DAPK1: variants seen among roughly 807,000 people sequenced by gnomAD.
DAPK1 encodes death associated protein kinase 1, also known as death-associated protein kinase 1.
Under a neutral mutation model 144.9 loss-of-function variants are expected in DAPK1, and 56 were observed. The observed-to-expected ratio is 0.39, with a 90% CI of 0.31 to 0.48. DAPK1 has a LOEUF of 0.48. DAPK1 is among the 20% of genes least tolerant of loss of function. The pLI is 0.95. For synonymous variants in DAPK1, 690 were observed against 749.0 expected (o/e 0.92, Z 1.29); for missense variants, 1,454 against 1,875.4 (o/e 0.78, Z 4.15).
intron 2 of DAPK1, among the ~76,000 whole-genome samples, chr9:87,593,099 C>T (rs759635554): frequency 1.3e-5 from 2 of 152,216 alleles, no homozygotes; most frequent in South Asian, 4.1e-4. Context: ...ACCCCAGACA[C>T]GGAAGACCCC....
chr9:87,542,690 G>C (rs1378326950), intron 2 of DAPK1, among the ~76,000 whole-genome samples: 1 of 152,172 alleles, frequency 6.6e-6, no homozygotes, highest in Non-Finnish European at 1.5e-5. Flanking sequence ...AAGAAGCTGT[G>C]GCTGAGTGGC....
Position 87,605,088 on chromosome 9 carries a change from G to A in DAPK1, c.197G>A (p.Ser66Asn), listed in dbSNP as rs561834929. The change falls in exon 3 of 26, where the codon AGC becomes AAC. Residue 66 changes from serine (S) to asparagine (N), a missense_variant. Physicochemically the swap from Ser to Asn is conservative, Grantham distance 46 (BLOSUM62 1). This residue lies in a region of DAPK1 where 429 missense variants were observed against 637.5 expected (regional missense o/e 0.67). Transcript: ENST00000408954. ...VSREDIEREV[S>N]ILKEIQHPNV... ...CGCGAGGACATCGAGCGGGAGGTCA[G>A]CATCCTGAAGGAGATCCAGCACCCC... 6.2e-7 allele frequency: 1 copy of A among 1,614,200 alleles called. No homozygotes were observed. Among genetic ancestry groups the A allele is most frequent in the East Asian group, 2.2e-5 (1 of 44,874 alleles).
intron 18 of DAPK1, among the ~76,000 whole-genome samples, chr9:87,658,330 C>A (rs376177469): frequency 2.0e-5 from 3 of 152,360 alleles, no homozygotes; most frequent in African/African-American, 7.2e-5. Context: ...GTCCTCTTCT[C>A]ATCTCACCAC....
chr9:87,654,609 G>A (rs1478016162), intron 17 of DAPK1, among the ~76,000 whole-genome samples: 1 of 152,214 alleles, frequency 6.6e-6, no homozygotes, highest in Non-Finnish European at 1.5e-5. Flanking sequence ...AGTTGTGTAA[G>A]TGGCTTAAGG....
At chr9:87,650,391 C>T (rs527670041) in intron 16 of DAPK1, 7 of 387,718 alleles carry the variant, frequency 1.8e-5, no homozygotes, top group Non-Finnish European at 3.3e-5. Flanking sequence ...AGAGCAGGTA[C>T]AGTGATGTTC....
At chr9:87,583,639 C>T (rs907104646) in intron 2 of DAPK1, among the ~76,000 whole-genome samples, 3 of 152,176 alleles carry the variant, frequency 2.0e-5, no homozygotes, top group Admixed American at 6.5e-5. Context: ...TCATAACCTG[C>T]ACCCCACCGT....
chr9:87,618,741 G>A (rs551165519), intron 3 of DAPK1, among the ~76,000 whole-genome samples: 28 of 152,284 alleles, frequency 1.8e-4, no homozygotes, highest in Admixed American at 9.8e-4. Flanking sequence ...CGTGGCTGCC[G>A]AGGGCAGGTG....
intron 3 of DAPK1, among the ~76,000 whole-genome samples, chr9:87,620,828 G>A (rs953886720): frequency 1.4e-4 from 22 of 152,098 alleles, no homozygotes; most frequent in Admixed American, 5.9e-4. Context: ...TACTCTGGCC[G>A]CCTTTTGTTC....
intron 21 of DAPK1, among the ~76,000 whole-genome samples, chr9:87,693,281 T>G (rs1208267597): frequency 6.6e-6 from 1 of 151,984 alleles, no homozygotes; most frequent in Non-Finnish European, 1.5e-5. Context: ...TTTTTATTTT[T>G]TTAATGTTGT....
chr9:87,612,933 G>A (rs979186327), intron 3 of DAPK1, among the ~76,000 whole-genome samples: 2 of 152,160 alleles, frequency 1.3e-5, no homozygotes, highest in African/African-American at 4.8e-5. Context: ...AAGTAAAAGT[G>A]CTAAGATGGC....
At chr9:87,662,724 G>C (rs933399281) in intron 18 of DAPK1, among the ~76,000 whole-genome samples, 1 of 151,278 alleles carries the variant, frequency 6.6e-6, no homozygotes, top group East Asian at 1.9e-4. Flanking sequence ...GAATTTTTTG[G>C]TGACATCCTC....
intron 19 of DAPK1, among the ~76,000 whole-genome samples, chr9:87,669,191 C>T (rs1831166890): frequency 6.6e-6 from 1 of 152,162 alleles, no homozygotes; most frequent in Non-Finnish European, 1.5e-5. Flanking sequence ...AAGATGTTCA[C>T]TGCAGTATTA....
chr9:87,640,915 A>G, intron 9 of DAPK1, 68 bp downstream of exon 9: 2 of 1,457,744 alleles, frequency 1.4e-6, no homozygotes, highest in Middle Eastern at 1.7e-4. Flanking sequence ...CCTGGTATTC[A>G]TGTATCATAG....
Position 87,538,970 on chromosome 9 carries a change from A to G in DAPK1, c.62+39831A>G, listed in dbSNP as rs182668791. Among the ~76,000 whole-genome samples the G allele has an allele frequency of 1.5e-3, 226 of 150,264 alleles. 1 individual carries two copies. Among genetic ancestry groups the G allele is most frequent in the Non-Finnish European group, 2.6e-3 (173 of 67,536 alleles). Reference sequence around the variant, plus strand: ...ACTGGATTTTATATATTTAAAATATATCTTAAAATATTTTATTTATATTTA... The same window carrying G: ...ACTGGATTTTATATATTTAAAATATGTCTTAAAATATTTTATTTATATTTA... On this transcript the variant is annotated intron_variant, in intron 2 of 25. Transcript: ENST00000408954.
At chr9:87,517,453 C>G (rs1825106758) in intron 2 of DAPK1, among the ~76,000 whole-genome samples, 1 of 152,148 alleles carries the variant, frequency 6.6e-6, no homozygotes, top group African/African-American at 2.4e-5. Flanking sequence ...CCACCTCTCT[C>G]TCTGTGTGCC....
chr9:87,611,290 G>A (rs111286427), intron 3 of DAPK1, among the ~76,000 whole-genome samples: 2,725 of 152,286 alleles, frequency 0.018, 70 homozygotes, highest in African/African-American at 0.059. Flanking sequence ...TGGGTTTGGG[G>A]TGGGACCTAG....
chr9:87,636,167 G>A (rs1386919607), intron 3 of DAPK1, among the ~76,000 whole-genome samples: 3 of 152,232 alleles, frequency 2.0e-5, no homozygotes, highest in Non-Finnish European at 4.4e-5. Context: ...GGTGGGGAGT[G>A]CAGGGAAGGG....
At chr9:87,590,369 C>CAAAAAAA (rs200588801) in intron 2 of DAPK1, among the ~76,000 whole-genome samples, 1 of 85,736 alleles carries the variant, frequency 1.2e-5, no homozygotes, top group African/African-American at 4.0e-5. Context: ...TCATTGGCCT[C>CAAAAAAA]AAAAAAAAAA....
At chr9:87,633,053 T>C (rs1829767179) in intron 3 of DAPK1, 2 of 976,774 alleles carry the variant, frequency 2.0e-6, no homozygotes, top group African/African-American at 1.8e-5. Context: ...GATGAGTATA[T>C]ATGTAAGATG....
Sources: allele counts gnomAD v4.1 joint callset (sites outside exome capture counted in the v4.1 genomes callset), GRCh38; gene constraint gnomAD v4.1.1; regional missense constraint gnomAD v4.1.1; transcripts MANE v1.5; gene names NCBI Gene and HGNC (gene_info 2026-07-23, HGNC 2026-07-21).